The following CERKL variants were observed in gnomAD, a reference collection of about 807,000 sequenced individuals.
CERKL encodes ceramide kinase-like protein.
CERKL carries 61 observed loss-of-function variants against 63.4 expected under a neutral mutation model. The ratio of observed to expected loss-of-function variants is 0.96; its 90% CI spans 0.78 to 1.19. The LOEUF is 1.19. CERKL is among the 50% of genes most tolerant of loss of function. The pLI is 0.00. For missense variants in CERKL, 675 were observed against 655.5 expected (o/e 1.03, Z -0.33); for synonymous variants, 250 against 230.5 (o/e 1.08, Z -0.77).
chr2:181,539,918 A>C (rs1687418680), intron 11 of CERKL, among the ~76,000 whole-genome samples: 1 of 152,204 alleles, frequency 6.6e-6, no homozygotes, highest in Admixed American at 6.5e-5. Flanking sequence ...TTTCTGACAT[A>C]ATTAAGAAAA....
At chr2:181,625,177 A>G (rs1265609486) in intron 1 of CERKL, among the ~76,000 whole-genome samples, 2 of 152,172 alleles carry the variant, frequency 1.3e-5, no homozygotes, top group East Asian at 3.8e-4. Flanking sequence ...GTAGGTGAAG[A>G]AAGCTGTATC....
At position 181,547,822 on chromosome 2, in the gene CERKL, C is replaced by G. The variant is rs1687796971; in HGVS notation, c.1159G>C (p.Asp387His). Reference sequence around the variant, plus strand: ...CTCAAGGAGATACTTTTCGACTCACCAGATTTGGGAGATCCCTGTGCCCTC... The same window carrying G: ...CTCAAGGAGATACTTTTCGACTCACGAGATTTGGGAGATCCCTGTGCCCTC... ...ERRAQGSPKS[D>H]CNDQWQMIQG... The change falls in exon 9 of 13, where the codon GAC becomes CAC. Residue 387 changes from aspartate (D) to histidine (H), a missense_variant and splice_region_variant. Transcript: ENST00000410087. The G allele has an allele frequency of 2.5e-6, 4 of 1,613,956 alleles. No individual in the cohort carries two copies. Among genetic ancestry groups the G allele is most frequent in the Non-Finnish European group, 3.4e-6 (4 of 1,179,984 alleles).
rs769255785 is a variant in CERKL, at chr2:181,558,687, A to G, written c.699T>C (p.Asp233=). 42 of 1,613,608 alleles carry G rather than the reference A, an allele frequency of 2.6e-5. 1 individual carries two copies. In the South Asian group the frequency reaches 4.5e-4, roughly 17 times the overall value. ...GFDGVVCVGG[D]GSASEVAHAL... The stretch of plus-strand genomic sequence containing the variant: ...CATGGGCTACTTCGCTAGCAGATCC[A>G]TCTCCACCAACACAGACAACACTAG... The change falls in exon 5 of 13, where the codon GAT becomes GAC. Residue 233 remains aspartate, a synonymous_variant. Transcript: ENST00000410087. The surrounding 1 kb of genome is among the most constrained non-coding windows in gnomAD (Gnocchi z 4.2).
chr2:181,599,869 CAAG>C, intron 2 of CERKL, among the ~76,000 whole-genome samples: 1 of 152,090 alleles, frequency 6.6e-6, no homozygotes, highest in South Asian at 2.1e-4. Flanking sequence ...CTGCAAGATA[CAAG>C]ATGACCATCC....
At chr2:181,547,361 G>A (rs537202881) in intron 10 of CERKL, among the ~76,000 whole-genome samples, 2 of 152,210 alleles carry the variant, frequency 1.3e-5, no homozygotes, top group Admixed American at 6.5e-5. Context: ...AAGTAAAGTA[G>A]GCATAAAATT....
intron 1 of CERKL, among the ~76,000 whole-genome samples, chr2:181,647,037 C>A (rs572073322): frequency 8.6e-4 from 131 of 152,244 alleles, no homozygotes; most frequent in South Asian, 2.5e-3. Flanking sequence ...CATATCTCTG[C>A]TTAAGTGAAA....
intron 1 of CERKL, among the ~76,000 whole-genome samples, chr2:181,609,326 G>A (rs1429840914): frequency 7.1e-6 from 1 of 140,356 alleles, no homozygotes; most frequent in Non-Finnish European, 1.5e-5. Context: ...TTTGATGTAA[G>A]GAATGGACAA....
At chr2:181,608,361 G>A (rs1284675039) in intron 1 of CERKL, among the ~76,000 whole-genome samples, 1 of 144,148 alleles carries the variant, frequency 6.9e-6, no homozygotes, top group African/African-American at 2.6e-5. Flanking sequence ...CATATAAATT[G>A]AGAGTCTCTT....
At chr2:181,611,977 A>C (rs1685986997) in intron 1 of CERKL, among the ~76,000 whole-genome samples, 1 of 152,212 alleles carries the variant, frequency 6.6e-6, no homozygotes, top group African/African-American at 2.4e-5. Context: ...CATTCTCTAA[A>C]AAATAAGGGT....
chr2:181,578,827 A>G (rs1425857701), intron 2 of CERKL, among the ~76,000 whole-genome samples: 1 of 151,988 alleles, frequency 6.6e-6, no homozygotes, highest in Non-Finnish European at 1.5e-5. Flanking sequence ...GTCCTTGAGG[A>G]TAAATGTTCA....
chr2:181,598,030 C>T (rs1355589734), intron 2 of CERKL, among the ~76,000 whole-genome samples: 1 of 152,172 alleles, frequency 6.6e-6, no homozygotes, highest in Non-Finnish European at 1.5e-5. Flanking sequence ...TGGCAATACC[C>T]TCCCACCCCA....
chr2:181,646,591 G>C (rs1383799477), intron 1 of CERKL, among the ~76,000 whole-genome samples: 2 of 152,208 alleles, frequency 1.3e-5, no homozygotes, highest in Non-Finnish European at 2.9e-5. Flanking sequence ...TGACCAGAAA[G>C]CATGTAATGA....
chr2:181,625,044 A>C (rs529567631), intron 1 of CERKL, among the ~76,000 whole-genome samples: 1 of 152,350 alleles, frequency 6.6e-6, no homozygotes, highest in East Asian at 1.9e-4. Flanking sequence ...CAGAGAAAAC[A>C]GAAACAGAGA....
intron 1 of CERKL, among the ~76,000 whole-genome samples, chr2:181,614,020 C>A (rs922939366): frequency 1.3e-5 from 2 of 152,194 alleles, no homozygotes; most frequent in Non-Finnish European, 2.9e-5. Context: ...CTTGAGCCAT[C>A]TAAATATTGT....
At chr2:181,571,569 T>G (rs185840569) in intron 3 of CERKL, among the ~76,000 whole-genome samples, 9 of 152,204 alleles carry the variant, frequency 5.9e-5, no homozygotes, top group South Asian at 2.1e-4. Context: ...ATTGCAACAG[T>G]ATGATAAAAA....
At chr2:181,641,352 T>TATATATATATAC in intron 1 of CERKL, among the ~76,000 whole-genome samples, 1 of 17,442 alleles carries the variant, frequency 5.7e-5, no homozygotes, top group African/African-American at 3.6e-4. Context: ...TATACATATA[T>TATATATATATAC]ATACACATAT....
intron 5 of CERKL, among the ~76,000 whole-genome samples, chr2:181,555,888 G>A (rs1199280312): frequency 6.6e-6 from 1 of 151,804 alleles, no homozygotes; most frequent in Non-Finnish European, 1.5e-5. Context: ...CAGTAGCTGG[G>A]ATCACAGGCG....
intron 11 of CERKL, 148 bp downstream of exon 11, chr2:181,544,552 G>A (rs970911911): frequency 1.1e-5 from 6 of 570,714 alleles, no homozygotes; most frequent in Non-Finnish European, 1.9e-5. Flanking sequence ...TCAAAATTTG[G>A]ATGAAATAGA....
At chr2:181,604,648 G>T (rs1242857485) in intron 1 of CERKL, among the ~76,000 whole-genome samples, 1 of 152,152 alleles carries the variant, frequency 6.6e-6, no homozygotes, top group Non-Finnish European at 1.5e-5. Context: ...TGGTACTAAG[G>T]ATAGAGTAAA....
Sources: allele counts gnomAD v4.1 joint callset (sites outside exome capture counted in the v4.1 genomes callset), GRCh38; gene constraint gnomAD v4.1.1; non-coding constraint Gnocchi (gnomAD v3.1); transcripts MANE v1.5; gene names NCBI Gene and HGNC (gene_info 2026-07-23, HGNC 2026-07-21).